CHD2: variants seen among roughly 807,000 people sequenced by gnomAD.
CHD2 encodes chromodomain helicase DNA binding protein 2.
CHD2 carries 28 observed loss-of-function variants against 243.9 expected under a neutral mutation model. That is an observed-to-expected ratio of 0.11 (90% CI 0.09 to 0.16). CHD2 has a LOEUF of 0.16. Among genes scored for constraint, CHD2 ranks in the 10% least tolerant of loss-of-function variants. CHD2 has a pLI of 1.00. For synonymous variants in CHD2, 775 were observed against 779.0 expected (o/e 0.99, Z 0.09); for missense variants, 1,386 against 2,209.8 (o/e 0.63, Z 7.47).
intron 16 of CHD2, among the ~76,000 whole-genome samples, chr15:92,961,876 C>CTTTTT (rs3064790): frequency 0.17 from 12,720 of 74,730 alleles, 1,347 homozygotes; most frequent in East Asian, 0.44. Context: ...TTTTTCTTCT[C>CTTTTT]TTTTTTTTTT....
chr15:92,978,097 T>C, intron 20 of CHD2, 137 bp from the exon 21 acceptor site: 1 of 946,672 alleles, frequency 1.1e-6, no homozygotes. Flanking sequence ...GACATTCTTT[T>C]AGCCTCCATA....
chr15:92,976,111 G>A (rs1462909159), intron 20 of CHD2, among the ~76,000 whole-genome samples: 2 of 152,084 alleles, frequency 1.3e-5, no homozygotes, highest in African/African-American at 4.8e-5. Context: ...TGTAGTGTTG[G>A]TTGAAATTGG....
At chr15:92,976,914 T>A (rs978716722) in intron 20 of CHD2, among the ~76,000 whole-genome samples, 92 of 148,688 alleles carry the variant, frequency 6.2e-4, no homozygotes, top group East Asian at 2.4e-3. Flanking sequence ...AAAAAAAAAA[T>A]TTTTTTTTTA....
intron 33 of CHD2, 98 bp downstream of exon 33, chr15:93,002,415 G>A: frequency 6.6e-7 from 1 of 1,524,142 alleles, no homozygotes; most frequent in Non-Finnish European, 8.7e-7. Flanking sequence ...TGGAATAATT[G>A]TCTTTTTATG....
At chr15:92,949,261 G>A in intron 13 of CHD2, 185 bp downstream of exon 13, 6 of 1,388,486 alleles carry the variant, frequency 4.3e-6, no homozygotes, top group Non-Finnish European at 5.6e-6. Context: ...TTATGTATGT[G>A]TAATACCATT....
rs2054574450 is a variant in CHD2 at position 93,024,914 on chromosome 15, CCCA to C, written c.*210_*212del. 3 of 523,628 alleles carry C rather than the reference CCCA, an allele frequency of 5.7e-6. No individual in the cohort carries two copies. The South Asian group carries it at 8.5e-5, about 15-fold the overall frequency. The allele number at this position is 523,628 out of a possible 1,614,324, so 32.4% of individuals were successfully genotyped here. ...GGTCACCACTCCTGCACTTTGGCAC[CCCA>C]TCCCATTCCAGCCTAGTTCTGGCCT... is the stretch of plus-strand genomic sequence containing the variant. On this transcript the variant is annotated 3_prime_UTR_variant, in exon 39 of 39. Coordinates refer to ENST00000394196, the MANE Select transcript of CHD2 (RefSeq NM_001271.4).
intron 2 of CHD2, among the ~76,000 whole-genome samples, chr15:92,914,435 T>C (rs2052796801): frequency 6.6e-6 from 1 of 152,230 alleles, no homozygotes; most frequent in Non-Finnish European, 1.5e-5. Context: ...GTTTCTCTAA[T>C]GTATGCCTGG....
chr15:92,950,160 A>T (rs976861548), intron 13 of CHD2, among the ~76,000 whole-genome samples: 1 of 152,236 alleles, frequency 6.6e-6, no homozygotes, highest in Non-Finnish European at 1.5e-5. Flanking sequence ...TAACCTGGTT[A>T]AAGTACAAGG....
At chr15:92,966,980 C>A (rs561835294) in intron 16 of CHD2, among the ~76,000 whole-genome samples, 22 of 151,656 alleles carry the variant, frequency 1.5e-4, no homozygotes, top group Admixed American at 1.4e-3. Flanking sequence ...GCTGTTGTAT[C>A]CATTGGCAGT....
At chr15:93,013,163 G>A (rs1052870950) in intron 36 of CHD2, among the ~76,000 whole-genome samples, 2 of 152,234 alleles carry the variant, frequency 1.3e-5, no homozygotes, top group Non-Finnish European at 2.9e-5. Flanking sequence ...TTGTTATGCT[G>A]TGCCCAGTGC....
chr15:92,900,470 A>C lies in CHD2; in HGVS notation c.-426A>C. On this transcript the variant is annotated 5_prime_UTR_variant, in exon 1 of 39. Transcript: ENST00000394196. ...AGCCCCCTGCCTTTCCTAGGGACTT[A>C]CTGGGGTCGATTCGAACCTTTTTTT... 2.5e-6 allele frequency: 1 copy of C among 397,686 alleles called. No homozygotes were observed. The highest frequency in any genetic ancestry group is 4.4e-6 in the Non-Finnish European group (1 of 225,422). 24.6% of individuals were successfully genotyped at this position (397,686 alleles called of 1,614,324 possible).
At chr15:92,971,609 T>C (rs184294701) in intron 17 of CHD2, among the ~76,000 whole-genome samples, 156 bp from the exon 18 acceptor site, 122 of 152,346 alleles carry the variant, frequency 8.0e-4, no homozygotes, top group Middle Eastern at 3.4e-3. Flanking sequence ...TATGATTAGA[T>C]GGCAGGAGAT....
chr15:93,016,939 A>G (rs1054782483), intron 37 of CHD2, among the ~76,000 whole-genome samples: 3 of 152,204 alleles, frequency 2.0e-5, no homozygotes, highest in African/African-American at 7.2e-5. Context: ...TGTAAAAGAG[A>G]AAATTCAAAT....
In CHD2 at chr15:92,941,873, G is replaced by T; in HGVS notation, c.744G>T (p.Met248Ile). ...FETDSDDLIE[M>I]TGEGVDEQQD... Reference sequence around the variant, plus strand: ...CTGACTCAGATGATCTCATTGAAATGACTGGAGAAGGAGTTGATGAACAGC... The same window carrying T: ...CTGACTCAGATGATCTCATTGAAATTACTGGAGAAGGAGTTGATGAACAGC... The change falls in exon 8 of 39, where the codon ATG (methionine) becomes ATT (isoleucine). Residue 248 changes from methionine to isoleucine, a missense_variant. Around this residue, in one of 19 missense-constraint regions of CHD2, gnomAD observed 200 missense variants for 292.5 expected, o/e 0.68. Transcript: ENST00000394196. 1.9e-6 allele frequency: 3 copies of T among 1,613,290 alleles called. No individual in the cohort carries two copies. Among genetic ancestry groups the T allele is most frequent in the South Asian group, 1.1e-5 (1 of 91,022 alleles).
At chr15:92,965,435 A>G (rs1157348439) in intron 16 of CHD2, 1 of 151,944 alleles carries the variant, frequency 6.6e-6, no homozygotes, top group Non-Finnish European at 1.5e-5. Flanking sequence ...GGGCGCCTGT[A>G]GTTCCAGCTG....
At chr15:93,010,155 A>G (rs1365838390) in intron 35 of CHD2, among the ~76,000 whole-genome samples, 1 of 152,158 alleles carries the variant, frequency 6.6e-6, no homozygotes. Flanking sequence ...AAATGCCATT[A>G]TTTTATTCCT....
At chr15:92,909,111 CAA>C (rs780137728) in intron 2 of CHD2, among the ~76,000 whole-genome samples, 13 of 124,602 alleles carry the variant, frequency 1.0e-4, no homozygotes, top group Admixed American at 2.4e-4. Context: ...ACAGGGTGAC[CAA>C]AAAAAAAAAA....
At chr15:92,936,240 A>G (rs1011897338) in intron 5 of CHD2, among the ~76,000 whole-genome samples, 24 of 152,188 alleles carry the variant, frequency 1.6e-4, no homozygotes, top group Non-Finnish European at 2.6e-4. Context: ...ATAAGCTTTC[A>G]CCATTACTTG....
intron 32 of CHD2, among the ~76,000 whole-genome samples, chr15:93,001,331 C>T (rs1185818786): frequency 6.6e-6 from 1 of 152,076 alleles, no homozygotes; most frequent in Non-Finnish European, 1.5e-5. Flanking sequence ...GTTTGGCTTG[C>T]CAGTTTGTAA....
Sources: gnomAD v4.1 joint callset for allele counts (sites outside exome capture counted in the v4.1 genomes callset) on GRCh38, gnomAD v4.1.1 for gene constraint, gnomAD v4.1.1 regional missense constraint, MANE v1.5 for transcripts, NCBI Gene and HGNC (gene_info 2026-07-23, HGNC 2026-07-21) for gene names.